The following SLC39A11 variants were observed in gnomAD, a reference collection of about 807,000 sequenced individuals.
SLC39A11 encodes the protein zinc transporter ZIP11.
SLC39A11 carries 33 observed loss-of-function variants against 36.1 expected under a neutral mutation model. The observed-to-expected ratio is 0.91, with a 90% CI of 0.69 to 1.22. SLC39A11 has a LOEUF of 1.22. SLC39A11 is among the 50% of genes most tolerant of loss of function. The probability of loss-of-function intolerance (pLI) is 0.00; values close to 1 mark genes in which losing one functional copy is unlikely to be tolerated. For synonymous variants in SLC39A11, 166 were observed against 170.3 expected (o/e 0.97, Z 0.20); for missense variants, 432 against 430.3 (o/e 1.00, Z -0.03).
chr17:73,068,162 C>A, intron 3 of SLC39A11: 1 of 1,271,354 alleles, frequency 7.9e-7, no homozygotes, highest in South Asian at 1.2e-5. Context: ...TTCCTCTGTT[C>A]CCGGAGAAAC....
At chr17:73,006,040 C>T (rs187650126) in intron 4 of SLC39A11, among the ~76,000 whole-genome samples, 4 of 152,118 alleles carry the variant, frequency 2.6e-5, no homozygotes, top group Admixed American at 1.3e-4. Flanking sequence ...AGCCTGGCAC[C>T]GTGCCTGAGA....
rs181579956 is a variant in SLC39A11 at position 72,897,823 on chromosome 17, C to T, written c.431-48019G>A. ...TGTGGAGTTCTAAAAGAAGTGTGGG[C>T]GGCTGACCCAGAGTTGGGAGTCAGT... On this transcript the variant is annotated intron_variant, in intron 5 of 9. Coordinates refer to ENST00000255559, the MANE Select transcript of SLC39A11 (RefSeq NM_139177.4). 4.7e-4 allele frequency among the ~76,000 whole-genome samples: 72 copies of T among 152,138 alleles called. 1 individual carries two copies. Among genetic ancestry groups the T allele is most frequent in the Non-Finnish European group, 5.9e-4 (40 of 67,994 alleles).
At chr17:73,056,252 T>C (rs2059666255) in intron 3 of SLC39A11, among the ~76,000 whole-genome samples, 1 of 151,762 alleles carries the variant, frequency 6.6e-6, no homozygotes, top group Non-Finnish European at 1.5e-5. Context: ...CAATGTAACC[T>C]CCACCTCCCT....
intron 7 of SLC39A11, among the ~76,000 whole-genome samples, chr17:72,698,571 A>G (rs1330222468): frequency 2.0e-5 from 3 of 152,102 alleles, no homozygotes; most frequent in Non-Finnish European, 4.4e-5. Flanking sequence ...TTTGCTTAAA[A>G]TGTTACATGG....
intron 4 of SLC39A11, among the ~76,000 whole-genome samples, chr17:73,020,205 A>G (rs78966886): frequency 6.6e-6 from 1 of 152,184 alleles, no homozygotes; most frequent in African/African-American, 2.4e-5. Context: ...CTCGAAAAAA[A>G]TTCATTTGTT....
intron 6 of SLC39A11, among the ~76,000 whole-genome samples, chr17:72,771,420 G>A (rs2075938980): frequency 6.6e-6 from 1 of 152,058 alleles, no homozygotes; most frequent in Non-Finnish European, 1.5e-5. Context: ...CATGAGCAGA[G>A]GTGTGCACTG....
At position 72,849,673 on chromosome 17, in the gene SLC39A11, C is replaced by T. The variant is rs962304074; in HGVS notation, c.562G>A (p.Ala188Thr). ...ATAGTGATGGCCAAGATGAGCAGTG[C>T]GATCCTCCTCCAGCTGCTGCCGCCG... ...QPGGSSWRRI[A>T]LLILAITIHN... The change falls in exon 6 of 10, where the codon GCA (alanine) becomes ACA (threonine). Residue 188 changes from alanine to threonine, a missense_variant. Transcript: ENST00000255559. The T allele has an allele frequency of 3.7e-6, 6 of 1,603,094 alleles. No individual in the cohort carries two copies. The highest frequency in any genetic ancestry group is 2.7e-5 in the African/African-American group (2 of 74,372).
chr17:73,072,217 G>C (rs992517126), intron 3 of SLC39A11: 7 of 152,252 alleles, frequency 4.6e-5, no homozygotes, highest in Non-Finnish European at 1.0e-4. Flanking sequence ...TCTTCCCGGG[G>C]GAATGCTGTG....
At chr17:72,863,866 T>G (rs186639576) in intron 5 of SLC39A11, among the ~76,000 whole-genome samples, 4 of 152,318 alleles carry the variant, frequency 2.6e-5, no homozygotes, top group Admixed American at 2.0e-4. Flanking sequence ...AATTAGATTT[T>G]CTCCTGCCTC....
At chr17:72,936,460 C>T (rs751921844) in intron 5 of SLC39A11, among the ~76,000 whole-genome samples, 14 of 144,246 alleles carry the variant, frequency 9.7e-5, no homozygotes, top group Admixed American at 3.5e-4. Flanking sequence ...GGCAATTACC[C>T]GGGGAACAAA....
At chr17:72,871,301 A>G (rs897234436) in intron 5 of SLC39A11, among the ~76,000 whole-genome samples, 3 of 151,830 alleles carry the variant, frequency 2.0e-5, no homozygotes, top group Non-Finnish European at 4.4e-5. Context: ...AGCTCAGGCA[A>G]TCCACCCACC....
chr17:72,934,138 T>C (rs1460036557), intron 5 of SLC39A11, among the ~76,000 whole-genome samples: 1 of 143,844 alleles, frequency 7.0e-6, no homozygotes, highest in African/African-American at 2.6e-5. Flanking sequence ...AAAAAAAAAA[T>C]AGGAGAAAAC....
intron 7 of SLC39A11, among the ~76,000 whole-genome samples, chr17:72,729,173 T>G (rs533695916): frequency 6.6e-6 from 1 of 151,844 alleles, no homozygotes; most frequent in Non-Finnish European, 1.5e-5. Flanking sequence ...GAACCCACCA[T>G]AGTTGCCAAC....
intron 6 of SLC39A11, among the ~76,000 whole-genome samples, chr17:72,831,100 C>CT (rs1465364231): frequency 1.3e-5 from 2 of 151,996 alleles, no homozygotes; most frequent in Non-Finnish European, 2.9e-5. Context: ...TTTAAGAAGA[C>CT]TGTTTGCACC....
intron 7 of SLC39A11, among the ~76,000 whole-genome samples, chr17:72,665,429 T>G (rs962492644): frequency 7.6e-6 from 1 of 130,766 alleles, no homozygotes; most frequent in African/African-American, 2.9e-5. Flanking sequence ...GTCTTGCTGT[T>G]GCCCAGGCTG....
At chr17:72,953,661 T>A (rs74410939) in intron 4 of SLC39A11, among the ~76,000 whole-genome samples, 4 of 152,184 alleles carry the variant, frequency 2.6e-5, no homozygotes. Context: ...AGGCCCCCCC[T>A]ACAAAGCACG....
intron 6 of SLC39A11, among the ~76,000 whole-genome samples, chr17:72,842,949 T>C (rs2078885722): frequency 6.6e-6 from 1 of 152,122 alleles, no homozygotes; most frequent in Admixed American, 6.6e-5. Context: ...GGAGGGTTTT[T>C]TGCTTATTTG....
At chr17:72,868,514 G>T (rs573004555) in intron 5 of SLC39A11, among the ~76,000 whole-genome samples, 2 of 147,856 alleles carry the variant, frequency 1.4e-5, no homozygotes, top group Non-Finnish European at 3.0e-5. Context: ...GGGCACAGAG[G>T]CTCACACCTA....
intron 5 of SLC39A11, among the ~76,000 whole-genome samples, chr17:72,879,959 C>T (rs1361720639): frequency 6.6e-6 from 1 of 152,182 alleles, no homozygotes; most frequent in Non-Finnish European, 1.5e-5. Flanking sequence ...CACATTTTAC[C>T]CCATCATTTG....
Sources: allele counts gnomAD v4.1 joint callset (sites outside exome capture counted in the v4.1 genomes callset), GRCh38; gene constraint gnomAD v4.1.1; transcripts MANE v1.5; gene names NCBI Gene and HGNC (gene_info 2026-07-23, HGNC 2026-07-21).